ARHGAP10: variants seen among roughly 807,000 people sequenced by gnomAD.
ARHGAP10 encodes Rho GTPase activating protein 10.
A neutral mutation model predicts 108.6 loss-of-function variants in ARHGAP10; 87 were observed. The ratio of observed to expected loss-of-function variants is 0.80; its 90% CI spans 0.67 to 0.96. ARHGAP10 has a LOEUF of 0.96. Among genes scored for constraint, ARHGAP10 ranks in the 40% least tolerant of loss-of-function variants. The pLI, the probability that ARHGAP10 is intolerant of heterozygous loss-of-function variation, is 0.00. For missense variants in ARHGAP10, 939 were observed against 954.5 expected (o/e 0.98, Z 0.21); for synonymous variants, 347 against 341.1 (o/e 1.02, Z -0.19).
intron 1 of ARHGAP10, among the ~76,000 whole-genome samples, chr4:147,820,446 C>T (rs148202174): frequency 0.015 from 2,245 of 151,774 alleles, 59 homozygotes; most frequent in African/African-American, 0.052. Context: ...CCACCACGCC[C>T]GGCTAATTTT....
intron 18 of ARHGAP10, among the ~76,000 whole-genome samples, chr4:148,007,386 G>A (rs1180583717): frequency 2.6e-5 from 4 of 152,212 alleles, no homozygotes; most frequent in Non-Finnish European, 5.9e-5. Flanking sequence ...TTCCAGCATG[G>A]TACAGGGAGT....
At chr4:147,735,311 A>G (rs183948361) in intron 1 of ARHGAP10, among the ~76,000 whole-genome samples, 1 of 152,374 alleles carries the variant, frequency 6.6e-6, no homozygotes, top group East Asian at 1.9e-4. Context: ...ATATAGACAC[A>G]TACCTGTGAC....
At chr4:147,813,383 T>C (rs1482599536) in intron 1 of ARHGAP10, among the ~76,000 whole-genome samples, 1 of 152,190 alleles carries the variant, frequency 6.6e-6, no homozygotes, top group East Asian at 1.9e-4. Flanking sequence ...GCTGATTTGA[T>C]TGGGATGGGA....
intron 18 of ARHGAP10, among the ~76,000 whole-genome samples, chr4:148,010,272 C>T (rs1020836957): frequency 6.6e-6 from 1 of 152,116 alleles, no homozygotes; most frequent in Non-Finnish European, 1.5e-5. Flanking sequence ...GGAGACTGAG[C>T]TATAGAGAAG....
chr4:147,815,000 G>A (rs1290048118), intron 1 of ARHGAP10, among the ~76,000 whole-genome samples: 3 of 152,128 alleles, frequency 2.0e-5, no homozygotes, highest in African/African-American at 4.8e-5. Context: ...TCTTGGCGTC[G>A]AAGCCAAGAA....
intron 19 of ARHGAP10, among the ~76,000 whole-genome samples, chr4:148,037,923 G>A (rs1229505785): frequency 2.6e-5 from 4 of 151,684 alleles, no homozygotes; most frequent in Non-Finnish European, 4.4e-5. Flanking sequence ...CATCTCATAT[G>A]CTGGCTGAAG....
intron 1 of ARHGAP10, among the ~76,000 whole-genome samples, chr4:147,777,360 G>A (rs1427982320): frequency 6.6e-6 from 1 of 151,442 alleles, no homozygotes; most frequent in African/African-American, 2.4e-5. Flanking sequence ...CCGGGTTCAC[G>A]CCATTCTCCT....
intron 1 of ARHGAP10, among the ~76,000 whole-genome samples, chr4:147,767,212 C>T (rs1002126777): frequency 3.9e-5 from 6 of 152,242 alleles, no homozygotes; most frequent in South Asian, 2.1e-4. Flanking sequence ...TTAAACCCAT[C>T]AGTTCCTAAG....
At chr4:147,975,149 A>ACTTTGTAATAAGCATTTTAGC (rs1298168684) in intron 18 of ARHGAP10, among the ~76,000 whole-genome samples, 2 of 152,150 alleles carry the variant, frequency 1.3e-5, no homozygotes, top group Admixed American at 1.3e-4. Flanking sequence ...ATTCTTTATA[A>ACTTTGTAATAAGCATTTTAGC]CTTTGTAATA....
At chr4:147,733,277 GAA>G (rs1181782021) in intron 1 of ARHGAP10, among the ~76,000 whole-genome samples, 1 of 152,194 alleles carries the variant, frequency 6.6e-6, no homozygotes, top group Non-Finnish European at 1.5e-5. Flanking sequence ...TTCTAGGAGA[GAA>G]GGGGCCAAAA....
At chr4:147,793,186 ATGTG>A (rs910495445) in intron 1 of ARHGAP10, among the ~76,000 whole-genome samples, 2 of 150,466 alleles carry the variant, frequency 1.3e-5, no homozygotes, top group African/African-American at 2.4e-5. Context: ...GTGTGCATAT[ATGTG>A]TGTGTGTGTG....
At chr4:147,818,859 A>C (rs1258988239) in intron 1 of ARHGAP10, among the ~76,000 whole-genome samples, 1 of 152,260 alleles carries the variant, frequency 6.6e-6, no homozygotes, top group Non-Finnish European at 1.5e-5. Context: ...TATAATTATT[A>C]AAAGAAATAG....
intron 1 of ARHGAP10, among the ~76,000 whole-genome samples, chr4:147,746,208 A>G (rs1728913866): frequency 6.6e-6 from 1 of 151,638 alleles, no homozygotes; most frequent in Non-Finnish European, 1.5e-5. Flanking sequence ...GGTTAAAGCG[A>G]TTCTTCTGCC....
chr4:148,035,308 A>G (rs1292063665), intron 19 of ARHGAP10, among the ~76,000 whole-genome samples: 5 of 152,188 alleles, frequency 3.3e-5, no homozygotes, highest in African/African-American at 1.2e-4. Context: ...ATTTCATTAC[A>G]TCTTTTCATG....
At chr4:148,021,186 G>A (rs1301567771) in intron 18 of ARHGAP10, among the ~76,000 whole-genome samples, 1 of 152,152 alleles carries the variant, frequency 6.6e-6, no homozygotes, top group Non-Finnish European at 1.5e-5. Flanking sequence ...TGCTGGGAAG[G>A]ACTGAGATCA....
intron 10 of ARHGAP10, among the ~76,000 whole-genome samples, chr4:147,883,427 C>G (rs536663988): frequency 3.3e-5 from 5 of 152,172 alleles, no homozygotes; most frequent in Non-Finnish European, 1.5e-5. Flanking sequence ...TAACACAAGT[C>G]GAGCATACAT....
At chr4:147,801,444 A>G (rs1438032932) in intron 1 of ARHGAP10, among the ~76,000 whole-genome samples, 1 of 152,252 alleles carries the variant, frequency 6.6e-6, no homozygotes, top group Non-Finnish European at 1.5e-5. Context: ...TTATATATCA[A>G]GTGGAAAACC....
chr4:147,830,721 T>C (rs1412895670), intron 3 of ARHGAP10, among the ~76,000 whole-genome samples: 2 of 152,124 alleles, frequency 1.3e-5, no homozygotes, highest in African/African-American at 2.4e-5. Context: ...GGTTTCACCT[T>C]GTTGGCCAGG....
At chr4:147,834,678 AC>A (rs1733090738) in intron 3 of ARHGAP10, among the ~76,000 whole-genome samples, 1 of 151,494 alleles carries the variant, frequency 6.6e-6, no homozygotes. Context: ...AGACACATCC[AC>A]CCACCCACAC....
Sources: gnomAD v4.1 joint callset for allele counts (sites outside exome capture counted in the v4.1 genomes callset) on GRCh38, gnomAD v4.1.1 for gene constraint, MANE v1.5 for transcripts, NCBI Gene and HGNC (gene_info 2026-07-23, HGNC 2026-07-21) for gene names.